EGFR: variants seen among roughly 807,000 people sequenced by gnomAD.
EGFR encodes the protein avian erythroblastic leukemia viral (v-erb-b) oncogene homolog.
A neutral mutation model predicts 143.0 loss-of-function variants in EGFR; 58 were observed. The ratio of observed to expected loss-of-function variants is 0.41; its 90% CI spans 0.33 to 0.50. The LOEUF (loss-of-function observed/expected upper bound fraction) is 0.50. Among genes scored for constraint, EGFR ranks in the 20% least tolerant of loss-of-function variants. The pLI, the probability that EGFR is intolerant of heterozygous loss-of-function variation, is 0.39. For synonymous variants in EGFR, 613 were observed against 594.4 expected, an observed-to-expected ratio of 1.03 and a Z score of -0.45; for missense variants, 1,307 against 1,579.0, an observed-to-expected ratio of 0.83 and a Z score of 2.92.
intron 1 of EGFR, among the ~76,000 whole-genome samples, chr7:55,039,053 C>T (rs1000702557): frequency 2.6e-5 from 4 of 151,646 alleles, no homozygotes; most frequent in South Asian, 4.2e-4. Context: ...TAACATGGAA[C>T]GTTAGTTCCA....
rs781578964 is a variant in EGFR at position 55,202,531 on chromosome 7, C to T, written c.3177C>T (p.Pro1059=). ...TCCTCCTGCAGCTGCAAAGCTGTCC[C>T]ATCAAGGAAGACAGCTTCTTGCAGC... ...CIDRNGLQSC[P]IKEDSFLQRY... is the part of the protein sequence containing the mutation. Residue 1059 remains proline (P), a synonymous_variant, in exon 27 of 28, where the codon CCC becomes CCT. Transcript: ENST00000275493. 3.1e-6 allele frequency: 5 copies of T among 1,609,914 alleles called. No individual in the cohort carries two copies. Among genetic ancestry groups the T allele is most frequent in the Non-Finnish European group, 4.2e-6 (5 of 1,178,178 alleles).
intron 22 of EGFR, among the ~76,000 whole-genome samples, chr7:55,193,844 T>C (rs1787505136): frequency 6.6e-6 from 1 of 152,240 alleles, no homozygotes; most frequent in Non-Finnish European, 1.5e-5. Flanking sequence ...TTATTAACTT[T>C]CTGATTTTCC....
At chr7:55,108,474 G>A (rs748365638) in intron 1 of EGFR, among the ~76,000 whole-genome samples, 14 of 152,214 alleles carry the variant, frequency 9.2e-5, no homozygotes, top group Non-Finnish European at 1.8e-4. Context: ...GTGAGTGTCT[G>A]TGGAATAATT....
intron 1 of EGFR, among the ~76,000 whole-genome samples, chr7:55,027,991 A>AAAAATATATAT (rs1554311534): frequency 3.6e-5 from 2 of 54,990 alleles, no homozygotes; most frequent in Non-Finnish European, 7.4e-5. Context: ...AAAAAAAAAA[A>AAAAATATATAT]ATATATATAT....
At chr7:55,047,683 G>A (rs1039065262) in intron 1 of EGFR, among the ~76,000 whole-genome samples, 5 of 152,142 alleles carry the variant, frequency 3.3e-5, no homozygotes, top group African/African-American at 4.8e-5. Flanking sequence ...CCTGGGAGCC[G>A]GAGGTTGCAG....
At chr7:55,026,042 C>T (rs1207753671) in intron 1 of EGFR, among the ~76,000 whole-genome samples, 2 of 152,068 alleles carry the variant, frequency 1.3e-5, no homozygotes, top group Non-Finnish European at 1.5e-5. Flanking sequence ...TGCTTTCTAA[C>T]CAGCTGAGGG....
intron 20 of EGFR, among the ~76,000 whole-genome samples, chr7:55,182,720 G>A (rs984910760): frequency 3.3e-5 from 5 of 152,044 alleles, no homozygotes; most frequent in African/African-American, 4.8e-5. Context: ...AGCCACAGGC[G>A]GCCCCCAGCA....
intron 1 of EGFR, among the ~76,000 whole-genome samples, chr7:55,131,118 T>A (rs6957999): frequency 0.028 from 4,258 of 152,218 alleles, 220 homozygotes; most frequent in African/African-American, 0.098. Flanking sequence ...GTTTTACAAA[T>A]GAAGAAAACA....
At chr7:55,177,860 A>G (rs1222712463) in intron 19 of EGFR, among the ~76,000 whole-genome samples, 1 of 152,226 alleles carries the variant, frequency 6.6e-6, no homozygotes, top group Non-Finnish European at 1.5e-5. Flanking sequence ...GTCACGGTGC[A>G]CGTTTACTAC....
intron 1 of EGFR, among the ~76,000 whole-genome samples, chr7:55,098,651 T>G (rs987247141): frequency 2.8e-4 from 43 of 152,338 alleles, no homozygotes; most frequent in African/African-American, 1.0e-3. Flanking sequence ...TGCTTATCTA[T>G]AATTCTAATT....
At chr7:55,169,908 C>A (rs17290197) in intron 15 of EGFR, among the ~76,000 whole-genome samples, 5,796 of 152,348 alleles carry the variant, frequency 0.038, 124 homozygotes, top group Middle Eastern at 0.12. Context: ...CAGTTTCAAT[C>A]TGCCCTCCCT....
At chr7:55,053,994 C>T (rs1788641197) in intron 1 of EGFR, among the ~76,000 whole-genome samples, 1 of 152,166 alleles carries the variant, frequency 6.6e-6, no homozygotes, top group African/African-American at 2.4e-5. Flanking sequence ...CAAAAAAAGT[C>T]AGGTCCCTCC....
chr7:55,196,435 T>C (rs28811354), intron 22 of EGFR, among the ~76,000 whole-genome samples: 29,737 of 151,848 alleles, frequency 0.2, 3,635 homozygotes, highest in East Asian at 0.46. Context: ...CTTCTCAGAT[T>C]TGTAGCTTGC....
chr7:55,189,099 TG>T, intron 20 of EGFR, among the ~76,000 whole-genome samples: 1 of 4,492 alleles, frequency 2.2e-4, no homozygotes, highest in Non-Finnish European at 4.8e-4. Context: ...TCACACATAA[TG>T]TGTGTGTGTG....
chr7:55,130,841 T>C (rs1218463030), intron 1 of EGFR, among the ~76,000 whole-genome samples: 2 of 152,230 alleles, frequency 1.3e-5, no homozygotes, highest in Non-Finnish European at 2.9e-5. Context: ...GCTGCCTTCC[T>C]TTCAAGCCGC....
intron 20 of EGFR, among the ~76,000 whole-genome samples, chr7:55,185,865 A>G (rs1332478126): frequency 6.6e-6 from 1 of 152,266 alleles, no homozygotes; most frequent in Non-Finnish European, 1.5e-5. Context: ...ATGAACATCA[A>G]AGAAAACGTC....
chr7:55,163,128 G>A (rs569418023), intron 13 of EGFR, among the ~76,000 whole-genome samples: 5 of 152,322 alleles, frequency 3.3e-5, no homozygotes, highest in South Asian at 2.1e-4. Context: ...CTCCTTGTTC[G>A]CTGCTGGAGG....
intron 7 of EGFR, 35 bp downstream of exon 7, chr7:55,154,187 G>C (rs2128935278): frequency 6.2e-7 from 1 of 1,614,176 alleles, no homozygotes; most frequent in Non-Finnish European, 8.5e-7. Context: ...TAACTGGTCA[G>C]GCATCCTTGT....
At chr7:55,032,651 T>A (rs988940148) in intron 1 of EGFR, among the ~76,000 whole-genome samples, 1 of 152,222 alleles carries the variant, frequency 6.6e-6, no homozygotes, top group Non-Finnish European at 1.5e-5. Flanking sequence ...GACTGTCTCA[T>A]GCTTTCTGTT....
Sources: gnomAD v4.1 joint callset for allele counts (sites outside exome capture counted in the v4.1 genomes callset) on GRCh38, gnomAD v4.1.1 for gene constraint, MANE v1.5 for transcripts, NCBI Gene and HGNC (gene_info 2026-07-23, HGNC 2026-07-21) for gene names.